The following ANKFN1 variants were observed in gnomAD, a reference collection of about 807,000 sequenced individuals.
The protein encoded by ANKFN1 is ankyrin repeat and fibronectin type-III domain-containing protein 1.
In ANKFN1, 74 loss-of-function variants were observed where a neutral mutation model predicts 108.7. The ratio of observed to expected loss-of-function variants is 0.68; its 90% CI spans 0.56 to 0.83. ANKFN1 has a LOEUF of 0.83. ANKFN1 is among the 40% of genes least tolerant of loss of function. ANKFN1 has a pLI of 0.00. For synonymous variants in ANKFN1, 547 were observed against 516.2 expected, an observed-to-expected ratio of 1.06 and a Z score of -0.81; for missense variants, 1,505 against 1,382.3, an observed-to-expected ratio of 1.09 and a Z score of -1.41.
intron 15 of ANKFN1, among the ~76,000 whole-genome samples, chr17:56,476,966 A>G (rs1286222841): frequency 6.6e-6 from 1 of 152,206 alleles, no homozygotes; most frequent in Admixed American, 6.5e-5. Flanking sequence ...TCTTGGCAGT[A>G]CCTTTTTAAT....
intron 3 of ANKFN1, among the ~76,000 whole-genome samples, chr17:56,300,766 A>C (rs1239873006): frequency 1.3e-5 from 2 of 152,136 alleles, no homozygotes; most frequent in Non-Finnish European, 2.9e-5. Flanking sequence ...AATCATTGGC[A>C]ATGTGCTGTG....
intron 4 of ANKFN1, among the ~76,000 whole-genome samples, chr17:56,347,375 A>G (rs1341747201): frequency 6.6e-6 from 1 of 152,182 alleles, no homozygotes; most frequent in Admixed American, 6.6e-5. Flanking sequence ...ATTAATCTTC[A>G]CAATTCTAGA....
intron 3 of ANKFN1, among the ~76,000 whole-genome samples, chr17:56,311,725 A>G (rs111255691): frequency 5.3e-5 from 8 of 152,344 alleles, no homozygotes; most frequent in African/African-American, 1.7e-4. Context: ...AGTGTTGTAT[A>G]AAATTACCTT....
chr17:56,167,251 G>GTA (rs1466545791), intron 1 of ANKFN1, among the ~76,000 whole-genome samples: 1 of 118,612 alleles, frequency 8.4e-6, no homozygotes, highest in Admixed American at 9.6e-5. Flanking sequence ...GTGTATATAT[G>GTA]TATGTGTGTG....
chr17:56,113,100 T>C (rs1906066880), intron 4 of ANKFN1, among the ~76,000 whole-genome samples: 1 of 152,128 alleles, frequency 6.6e-6, no homozygotes, highest in Non-Finnish European at 1.5e-5. Flanking sequence ...TTACACTGTG[T>C]GATGGTGTGT....
In ANKFN1 at chr17:56,062,916, G is replaced by A. The variant is rs187665339; in HGVS notation, c.288+16591G>A. 5.9e-4 allele frequency among the ~76,000 whole-genome samples: 90 copies of A among 152,276 alleles called. No individual in the cohort carries two copies. In the East Asian group the frequency reaches 0.015, roughly 26 times the overall value. The stretch of plus-strand genomic sequence containing the variant: ...TCTTTCAGGAGCTCTTGCAAGGCAG[G>A]CCTGGTGGTAAAGAAATCCCTCAGC... On this transcript the variant is annotated intron_variant, in intron 4 of 12. Coordinates refer to the ANKFN1 transcript ENST00000635860.
intron 8 of ANKFN1, among the ~76,000 whole-genome samples, chr17:56,387,560 C>T (rs2047311500): frequency 6.6e-6 from 1 of 152,158 alleles, no homozygotes; most frequent in African/African-American, 2.4e-5. Context: ...AACATTCTTA[C>T]TTGTGGCTAA....
At chr17:56,412,166 TTG>T (rs2048112107) in intron 8 of ANKFN1, among the ~76,000 whole-genome samples, 1 of 152,244 alleles carries the variant, frequency 6.6e-6, no homozygotes, top group Non-Finnish European at 1.5e-5. Context: ...ATACTCATTT[TTG>T]GTCTATTGCC....
At chr17:56,096,935 A>G (rs1905546546) in intron 4 of ANKFN1, among the ~76,000 whole-genome samples, 1 of 152,226 alleles carries the variant, frequency 6.6e-6, no homozygotes, top group East Asian at 1.9e-4. Context: ...CGCAGTCACT[A>G]ACAAGAATGA....
At chr17:56,322,307 T>C (rs2045394699) in intron 3 of ANKFN1, among the ~76,000 whole-genome samples, 1 of 152,176 alleles carries the variant, frequency 6.6e-6, no homozygotes, top group African/African-American at 2.4e-5. Flanking sequence ...TTGACAATCC[T>C]GTAAGTTCTA....
chr17:56,263,731 G>A (rs1275139355), intron 3 of ANKFN1, among the ~76,000 whole-genome samples: 3 of 152,178 alleles, frequency 2.0e-5, no homozygotes, highest in African/African-American at 7.2e-5. Flanking sequence ...ATAACAGAGG[G>A]GAGAGAAAGA....
At chr17:56,464,597 G>A (rs1164910229) in intron 14 of ANKFN1, among the ~76,000 whole-genome samples, 20 of 152,148 alleles carry the variant, frequency 1.3e-4, no homozygotes, top group Admixed American at 1.3e-3. Flanking sequence ...GTCTTCCCAG[G>A]GGAGGTGAAA....
At chr17:56,404,621 G>A (rs537890132) in intron 8 of ANKFN1, among the ~76,000 whole-genome samples, 16 of 152,192 alleles carry the variant, frequency 1.1e-4, no homozygotes, top group African/African-American at 3.4e-4. Flanking sequence ...GTGACTCTCC[G>A]ATTAGCTTAA....
At chr17:56,052,244 A>G (rs1904791163) in intron 4 of ANKFN1, among the ~76,000 whole-genome samples, 1 of 152,180 alleles carries the variant, frequency 6.6e-6, no homozygotes, top group African/African-American at 2.4e-5. Context: ...GATTTTTTTT[A>G]GAAGCTTTAC....
chr17:56,302,261 A>C (rs1249853132), intron 3 of ANKFN1, among the ~76,000 whole-genome samples: 1 of 152,210 alleles, frequency 6.6e-6, no homozygotes, highest in African/African-American at 2.4e-5. Context: ...TAAAAGAAAA[A>C]TGCCGGTAAT....
Position 56,420,355 on chromosome 17 carries a change from G to T in ANKFN1, c.911-19972G>T, listed in dbSNP as rs369018753. Among the ~76,000 whole-genome samples, 18 of 152,166 alleles carry T rather than the reference G, an allele frequency of 1.2e-4. 3 individuals carry two copies. The highest frequency in any genetic ancestry group is 9.2e-4 in the Admixed American group (14 of 15,272). On this transcript the variant is annotated intron_variant, in intron 8 of 20. Coordinates refer to ENST00000682825, the MANE Select transcript of ANKFN1 (RefSeq NM_001370326.1). ...CAGTCTTGTGATTATCACCTATGAG[G>T]TCTATGGCAAATAGTTAAAATAATG...
At chr17:56,425,031 G>A (rs1466164121) in intron 8 of ANKFN1, among the ~76,000 whole-genome samples, 7 of 151,442 alleles carry the variant, frequency 4.6e-5, no homozygotes, top group South Asian at 2.1e-4. Flanking sequence ...GCTGAGACCC[G>A]TTACATACAC....
chr17:56,497,273 C>T (rs1327071182), intron 19 of ANKFN1, among the ~76,000 whole-genome samples: 1 of 152,114 alleles, frequency 6.6e-6, no homozygotes, highest in African/African-American at 2.4e-5. Context: ...CTTAGTGTCT[C>T]CTCATGGGCC....
intron 4 of ANKFN1, among the ~76,000 whole-genome samples, chr17:56,134,458 C>G (rs1158632363): frequency 1.3e-5 from 2 of 152,022 alleles, no homozygotes; most frequent in African/African-American, 4.8e-5. Context: ...GGTGACCGGC[C>G]CCTATCCAGG....
Sources: allele counts gnomAD v4.1 joint callset (sites outside exome capture counted in the v4.1 genomes callset), GRCh38; gene constraint gnomAD v4.1.1; transcripts MANE v1.5; gene names NCBI Gene and HGNC (gene_info 2026-07-23, HGNC 2026-07-21).